TCF4: variants seen among roughly 807,000 people sequenced by gnomAD.
TCF4 encodes SL3-3 enhancer factor 2.
TCF4 carries 3 observed loss-of-function variants against 82.1 expected under a neutral mutation model. The observed-to-expected ratio is 0.04, with a 90% CI of 0.02 to 0.09. TCF4 has a LOEUF of 0.09. TCF4 is among the 10% of genes least tolerant of loss of function. TCF4 has a pLI of 1.00. For missense variants in TCF4, 518 were observed against 852.7 expected (o/e 0.61, Z 4.89); for synonymous variants, 276 against 309.6 (o/e 0.89, Z 1.14).
intron 6 of TCF4, among the ~76,000 whole-genome samples, chr18:55,379,344 T>C (rs1006791730): frequency 9.2e-5 from 14 of 152,212 alleles, no homozygotes; most frequent in African/African-American, 3.4e-4. Context: ...TTGGACAATG[T>C]GCCTGCACAG....
intron 15 of TCF4, among the ~76,000 whole-genome samples, chr18:55,245,288 G>A (rs182694098): frequency 2.6e-5 from 4 of 152,030 alleles, no homozygotes; most frequent in African/African-American, 7.2e-5. Flanking sequence ...ATAACACAAC[G>A]GCCATGGAAT....
chr18:55,485,593 T>A (rs1016894783), intron 3 of TCF4, among the ~76,000 whole-genome samples: 5 of 152,312 alleles, frequency 3.3e-5, no homozygotes, highest in African/African-American at 1.2e-4. Flanking sequence ...CTCACATGAA[T>A]AGAATCAGCC....
intron 15 of TCF4, among the ~76,000 whole-genome samples, chr18:55,238,558 T>C (rs2050235662): frequency 6.6e-6 from 1 of 152,186 alleles, no homozygotes; most frequent in Non-Finnish European, 1.5e-5. Context: ...GTAGTTTTAA[T>C]AGTAAGGAAG....
intron 5 of TCF4, among the ~76,000 whole-genome samples, chr18:55,411,647 A>C (rs2094350296): frequency 6.6e-6 from 1 of 152,192 alleles, no homozygotes; most frequent in Admixed American, 6.5e-5. Context: ...GATCAGGAGA[A>C]TTATCAGCAA....
At chr18:55,494,487 A>G (rs2096611236) in intron 3 of TCF4, among the ~76,000 whole-genome samples, 1 of 152,074 alleles carries the variant, frequency 6.6e-6, no homozygotes, top group Admixed American at 6.6e-5. Flanking sequence ...ACTAGCCCTG[A>G]TGCATTTGCA....
intron 2 of TCF4, chr18:55,586,153 G>GAGCAGCAGC (rs55725917): frequency 0.012 from 8,138 of 707,098 alleles, 500 homozygotes; most frequent in East Asian, 0.044. Flanking sequence ...GGAGGAGGAG[G>GAGCAGCAGC]AGCAGCAGCA....
intron 3 of TCF4, among the ~76,000 whole-genome samples, chr18:55,476,354 A>G (rs142263909): frequency 6.6e-6 from 1 of 152,376 alleles, no homozygotes; most frequent in Non-Finnish European, 1.5e-5. Flanking sequence ...TTGCCATTCA[A>G]TACAGCATAA....
At chr18:55,400,745 C>T in intron 6 of TCF4, 2 of 278,972 alleles carry the variant, frequency 7.2e-6, no homozygotes, top group South Asian at 7.5e-5. Flanking sequence ...TAATGTATTC[C>T]TCCAGGACAG....
upstream of TCF4, chr18:55,589,334 A>G (rs1160518752): frequency 1.9e-6 from 2 of 1,052,940 alleles, no homozygotes; most frequent in African/African-American, 3.3e-5. Flanking sequence ...TATTCCAAGG[A>G]AAGAGACTTT....
chr18:55,232,813 G>T, intron 16 of TCF4, 142 bp from the exon 17 acceptor site: 1 of 1,110,214 alleles, frequency 9.0e-7, no homozygotes, highest in Non-Finnish European at 1.3e-6. Flanking sequence ...ATCTGTTGAA[G>T]TTTCAAAAAA....
At chr18:55,464,687 T>TG (rs2095968886) in intron 3 of TCF4, among the ~76,000 whole-genome samples, 1 of 151,900 alleles carries the variant, frequency 6.6e-6, no homozygotes, top group African/African-American at 2.4e-5. Context: ...GAAACAAAAC[T>TG]TTTTTTTAGG....
intron 16 of TCF4, 163 bp downstream of exon 16, chr18:55,234,385 G>A (rs1026693686): frequency 1.5e-5 from 14 of 910,944 alleles, no homozygotes; most frequent in Non-Finnish European, 1.8e-5. Context: ...CAATTAGCGG[G>A]CGAAGTTCTA....
rs566729613 is a variant in TCF4, at chr18:55,234,060, C to T, written c.1486+488G>A. The stretch of plus-strand genomic sequence containing the variant: ...CCAACTTCCTGGGGTCATGAAAAGC[C>T]GCTCGTAATCACCGGTATGAGGCAA... On this transcript the variant is annotated intron_variant, in intron 16 of 19. Coordinates refer to ENST00000354452, the MANE Select transcript of TCF4 (RefSeq NM_001083962.2). Among the ~76,000 whole-genome samples the T allele has an allele frequency of 6.6e-5, 10 of 152,140 alleles. No homozygotes were observed. In the South Asian group the frequency reaches 8.3e-4, roughly 13 times the overall value.
chr18:55,496,939 T>C (rs1281020376), intron 3 of TCF4, among the ~76,000 whole-genome samples: 1 of 147,090 alleles, frequency 6.8e-6, no homozygotes, highest in Non-Finnish European at 1.5e-5. Context: ...AGAGAATATA[T>C]GGAGGATACC....
intron 2 of TCF4, among the ~76,000 whole-genome samples, chr18:55,623,037 T>C (rs991628501): frequency 6.6e-6 from 1 of 152,168 alleles, no homozygotes; most frequent in Non-Finnish European, 1.5e-5. Flanking sequence ...ATTTTATAGC[T>C]AATAAAATTG....
At chr18:55,324,857 T>G (rs1383771722) in intron 8 of TCF4, among the ~76,000 whole-genome samples, 1 of 152,178 alleles carries the variant, frequency 6.6e-6, no homozygotes, top group African/African-American at 2.4e-5. Context: ...AAAAAATTCT[T>G]ACCAGCAAAC....
At chr18:55,504,809 G>A (rs967924709) in intron 3 of TCF4, among the ~76,000 whole-genome samples, 3 of 152,072 alleles carry the variant, frequency 2.0e-5, no homozygotes, top group African/African-American at 7.3e-5. Flanking sequence ...ACCAATCGAA[G>A]TATTAAAACA....
chr18:55,395,064 G>C (rs954364280), intron 6 of TCF4, among the ~76,000 whole-genome samples: 1 of 152,114 alleles, frequency 6.6e-6, no homozygotes, highest in Non-Finnish European at 1.5e-5. Context: ...AAGAGTTTCA[G>C]TAAAAAGCTC....
At chr18:55,318,688 C>A (rs1203869151) in intron 8 of TCF4, among the ~76,000 whole-genome samples, 1 of 151,862 alleles carries the variant, frequency 6.6e-6, no homozygotes, top group Non-Finnish European at 1.5e-5. Context: ...TTCACAGAAA[C>A]AAGGAAAAAT....
Sources: allele counts gnomAD v4.1 joint callset (sites outside exome capture counted in the v4.1 genomes callset), GRCh38; gene constraint gnomAD v4.1.1; transcripts MANE v1.5; gene names NCBI Gene and HGNC (gene_info 2026-07-23, HGNC 2026-07-21).